Variants in C4orf36 observed in about 807,000 individuals in gnomAD.
C4orf36 encodes the protein chromosome 4 open reading frame 36, also known as uncharacterized protein C4orf36.
A neutral mutation model predicts 12.2 loss-of-function variants in C4orf36; 11 were observed. The observed-to-expected ratio is 0.90, with a 90% CI of 0.57 to 1.49. The LOEUF (loss-of-function observed/expected upper bound fraction) is 1.49, where lower values mean the gene tolerates loss of function less well. Ranked by LOEUF, C4orf36 falls within the 40% of genes most tolerant of loss-of-function variation. The probability of loss-of-function intolerance (pLI) is 0.00; values close to 1 mark genes in which losing one functional copy is unlikely to be tolerated. For missense variants in C4orf36, 137 were observed against 133.9 expected, an observed-to-expected ratio of 1.02 and a Z score of -0.11; for synonymous variants, 54 against 51.3, an observed-to-expected ratio of 1.05 and a Z score of -0.22.
the C4orf36 span, among the ~76,000 whole-genome samples, chr4:86,931,480 C>T: frequency 6.6e-6 from 1 of 152,056 alleles, no homozygotes; most frequent in African/African-American, 2.4e-5. Flanking sequence ...CTCAACGCAT[C>T]CTCGACCTCC....
chr4:86,894,338 C>A (rs1473928298), upstream of C4orf36, among the ~76,000 whole-genome samples: 3 of 152,052 alleles, frequency 2.0e-5, no homozygotes, highest in Admixed American at 2.0e-4. Context: ...TATACACATA[C>A]GTGTGTGTGT....
chr4:86,918,810 C>CGT, the C4orf36 span, among the ~76,000 whole-genome samples: 785 of 150,122 alleles, frequency 5.2e-3, 10 homozygotes, highest in African/African-American at 0.018. Context: ...GTTGTGTGTG[C>CGT]GTGTGTGTGT....
the C4orf36 span, among the ~76,000 whole-genome samples, chr4:86,924,452 C>T: frequency 6.6e-6 from 1 of 152,318 alleles, no homozygotes; most frequent in Non-Finnish European, 1.5e-5. Context: ...CCACCCCCCT[C>T]GGCCTCTCAA....
chr4:86,885,722 C>T (rs1168711151), intron 4 of C4orf36, among the ~76,000 whole-genome samples: 1 of 152,212 alleles, frequency 6.6e-6, no homozygotes, highest in East Asian at 1.9e-4. Context: ...CTGGCCAGAA[C>T]TTCCAACACT....
the C4orf36 span, among the ~76,000 whole-genome samples, chr4:86,922,972 T>C: frequency 9.3e-5 from 14 of 150,190 alleles, no homozygotes; most frequent in Admixed American, 6.0e-4. Context: ...TTTTAAGAGA[T>C]AGGGATCTTG....
At chr4:86,888,081 T>A in intron 3 of C4orf36, 40 bp downstream of exon 3, 1 of 1,595,800 alleles carries the variant, frequency 6.3e-7, no homozygotes, top group Non-Finnish European at 8.5e-7. Flanking sequence ...AATGGCACAC[T>A]GAATTTATAA....
chr4:86,928,625 G>T, the C4orf36 span, among the ~76,000 whole-genome samples: 91 of 152,322 alleles, frequency 6.0e-4, 1 homozygote, highest in South Asian at 0.018. Flanking sequence ...GTTGAAGCAG[G>T]CTGAGCTGAC....
intron 4 of C4orf36, among the ~76,000 whole-genome samples, chr4:86,882,845 T>A (rs765213033): frequency 7.2e-5 from 11 of 152,186 alleles, no homozygotes; most frequent in South Asian, 6.2e-4. Context: ...CAAAACCTGC[T>A]GAATATGTAT....
At chr4:86,880,197 G>A (rs1160215073) in intron 4 of C4orf36, among the ~76,000 whole-genome samples, 1 of 152,180 alleles carries the variant, frequency 6.6e-6, no homozygotes, top group East Asian at 1.9e-4. Context: ...CCAGGGCAAA[G>A]TGTGGTGGCT....
chr4:86,909,645 C>T, the C4orf36 span, among the ~76,000 whole-genome samples: 533 of 152,130 alleles, frequency 3.5e-3, 6 homozygotes, highest in Middle Eastern at 0.014. Context: ...CTATAAGCCT[C>T]GTGAAAGTGA....
chr4:86,917,254 G>C, the C4orf36 span, among the ~76,000 whole-genome samples: 1 of 151,542 alleles, frequency 6.6e-6, no homozygotes, highest in Admixed American at 6.6e-5. Context: ...CACTGCACCC[G>C]GGGCAGCAGA....
chr4:86,893,522 G>T (rs547116665), upstream of C4orf36, among the ~76,000 whole-genome samples: 2 of 151,872 alleles, frequency 1.3e-5, no homozygotes, highest in East Asian at 3.9e-4. Context: ...GGAGGCAGAG[G>T]TTGCAGTGAG....
At chr4:86,906,159 G>A in the C4orf36 span, among the ~76,000 whole-genome samples, 36 of 152,174 alleles carry the variant, frequency 2.4e-4, no homozygotes, top group East Asian at 5.8e-3. Context: ...GCCATTTCCC[G>A]GGATATGCTC....
At chr4:86,876,552 C>A (rs1489391945) in intron 4 of C4orf36, 109 bp from the exon 5 acceptor site, 2 of 1,613,846 alleles carry the variant, frequency 1.2e-6, no homozygotes, top group Non-Finnish European at 1.7e-6. Flanking sequence ...GTACAGTTTA[C>A]AAGGACCTTT....
chr4:86,892,493 G>A, upstream of C4orf36: 6 of 981,534 alleles, frequency 6.1e-6, no homozygotes, highest in Non-Finnish European at 7.3e-6. Flanking sequence ...CCAGGGAGGG[G>A]ACGCCGGGCC....
At chr4:86,932,635 G>A in the C4orf36 span, among the ~76,000 whole-genome samples, 1 of 151,814 alleles carries the variant, frequency 6.6e-6, no homozygotes, top group Non-Finnish European at 1.5e-5. Flanking sequence ...TGAGTCCCAG[G>A]GGTTTAACTA....
At chr4:86,914,889 T>C in the C4orf36 span, 14 of 359,202 alleles carry the variant, frequency 3.9e-5, no homozygotes, top group African/African-American at 3.0e-4. Flanking sequence ...GGAGGATTCA[T>C]GGACTCTGGG....
At chr4:86,931,020 CCTGA>C in the C4orf36 span, among the ~76,000 whole-genome samples, 9 of 152,286 alleles carry the variant, frequency 5.9e-5, no homozygotes, top group Non-Finnish European at 8.8e-5. Flanking sequence ...ATAATTGTAG[CCTGA>C]CTGTCTCCAA....
intron 2 of C4orf36, chr4:86,890,240 A>G (rs28511580): frequency 0.014 from 5,304 of 372,802 alleles, 70 homozygotes; most frequent in Non-Finnish European, 0.02. Context: ...GAAGGAAGGA[A>G]ACTGAGGTGC....
Sources: allele counts gnomAD v4.1 joint callset (sites outside exome capture counted in the v4.1 genomes callset), GRCh38; gene constraint gnomAD v4.1.1; transcripts MANE v1.5; gene names NCBI Gene and HGNC (gene_info 2026-07-23, HGNC 2026-07-21).